MMP26: variants seen among roughly 807,000 people sequenced by gnomAD.
MMP26 encodes the protein matrix metallopeptidase 26.
In MMP26, 33 loss-of-function variants were observed where a neutral mutation model predicts 31.0. That is an observed-to-expected ratio of 1.06 (90% CI 0.81 to 1.42). The LOEUF (loss-of-function observed/expected upper bound fraction) is 1.42, where lower values mean the gene tolerates loss of function less well. MMP26 is among the 40% of genes most tolerant of loss of function. MMP26 has a pLI of 0.00. For synonymous variants in MMP26, 122 were observed against 114.9 expected (o/e 1.06, Z -0.40); for missense variants, 347 against 316.1 (o/e 1.10, Z -0.74).
chr11:4,739,025 A>G (rs1048528795), intron 1 of MMP26, among the ~76,000 whole-genome samples: 3 of 152,174 alleles, frequency 2.0e-5, no homozygotes, highest in African/African-American at 7.2e-5. Context: ...TGTTGTCACT[A>G]TAGCTGAGTT....
intron 1 of MMP26, among the ~76,000 whole-genome samples, chr11:4,762,215 T>C (rs189854997): frequency 1.3e-4 from 20 of 152,306 alleles, no homozygotes; most frequent in Middle Eastern, 3.4e-3. Flanking sequence ...TGAAGATCCA[T>C]TTCATAGTAT....
intron 2 of MMP26, among the ~76,000 whole-genome samples, chr11:4,930,225 C>T (rs143763585): frequency 3.9e-5 from 6 of 152,016 alleles, no homozygotes; most frequent in African/African-American, 1.4e-4. Context: ...TGGAGTACTA[C>T]TTGGTAAATC....
chr11:4,921,847 C>T (rs1851189285), intron 2 of MMP26, among the ~76,000 whole-genome samples: 1 of 152,046 alleles, frequency 6.6e-6, no homozygotes, highest in African/African-American at 2.4e-5. Flanking sequence ...AAAGTTATTG[C>T]TTTTAAAAAA....
rs562962260 is a variant in MMP26 at position 4,789,098 on chromosome 11, G to C, written c.-145+21757G>C. 5.3e-5 allele frequency among the ~76,000 whole-genome samples: 8 copies of C among 152,306 alleles called. No individual in the cohort carries two copies. In the South Asian group the frequency reaches 1.0e-3, roughly 20 times the overall value. The stretch of plus-strand genomic sequence containing the variant: ...TTCTCTAAAACAGCTACTCACATCA[G>C]ACATTTGGCTAAGAAGTCTTGTTGA... On this transcript the variant is annotated intron_variant, in intron 2 of 7. Coordinates refer to ENST00000380390, the MANE Select transcript of MMP26 (RefSeq NM_021801.5).
chr11:4,869,289 A>C (rs946285159), intron 2 of MMP26, among the ~76,000 whole-genome samples: 1 of 152,210 alleles, frequency 6.6e-6, no homozygotes, highest in Non-Finnish European at 1.5e-5. Flanking sequence ...CAACCTACAG[A>C]ATGGGAGAAA....
chr11:4,750,475 G>A (rs1848434240), intron 1 of MMP26, among the ~76,000 whole-genome samples: 1 of 151,990 alleles, frequency 6.6e-6, no homozygotes, highest in Non-Finnish European at 1.5e-5. Context: ...GTATTCATGT[G>A]TTTATCACAG....
chr11:4,835,059 A>T (rs566118261), intron 2 of MMP26, among the ~76,000 whole-genome samples: 17 of 152,090 alleles, frequency 1.1e-4, no homozygotes, highest in Admixed American at 9.8e-4. Context: ...GTTAATAAAG[A>T]TCCCACTACT....
intron 2 of MMP26, among the ~76,000 whole-genome samples, chr11:4,941,605 A>C (rs1025956428): frequency 2.0e-5 from 3 of 152,206 alleles, no homozygotes; most frequent in Non-Finnish European, 4.4e-5. Context: ...AATAAGTTCC[A>C]AGGTGATTCT....
chr11:4,981,622 C>G (rs184595888), intron 2 of MMP26, among the ~76,000 whole-genome samples: 1 of 151,896 alleles, frequency 6.6e-6, no homozygotes, highest in African/African-American at 2.4e-5. Flanking sequence ...TTAGGCTACC[C>G]TAAATTTAGC....
chr11:4,929,442 C>T (rs1257373197), intron 2 of MMP26, among the ~76,000 whole-genome samples: 2 of 150,176 alleles, frequency 1.3e-5, no homozygotes, highest in Non-Finnish European at 3.0e-5. Context: ...AATCACATGA[C>T]AATCAGAAGA....
At chr11:4,716,682 A>G (rs1296419149) in intron 1 of MMP26, among the ~76,000 whole-genome samples, 2 of 19,774 alleles carry the variant, frequency 1.0e-4, no homozygotes, top group Non-Finnish European at 2.5e-4. Flanking sequence ...TTTTTTTGAG[A>G]TGGAGTTTCG....
chr11:4,887,440 A>G (rs1410465665), intron 2 of MMP26, among the ~76,000 whole-genome samples: 2 of 152,136 alleles, frequency 1.3e-5, no homozygotes, highest in African/African-American at 2.4e-5. Flanking sequence ...AGTCATTTCC[A>G]TCAAGTACAG....
chr11:4,710,288 T>C (rs1423740025), intron 1 of MMP26: 2 of 456,694 alleles, frequency 4.4e-6, no homozygotes, highest in Admixed American at 4.7e-5. Flanking sequence ...AAAAGGCTTT[T>C]GGTACCTGTG....
chr11:4,848,871 T>A (rs561122104), intron 2 of MMP26: 1 of 1,614,032 alleles, frequency 6.2e-7, no homozygotes, highest in East Asian at 2.2e-5. Context: ...AGAAAAGACA[T>A]GGATAAAAAC....
chr11:4,828,047 T>G (rs924034637), intron 2 of MMP26, among the ~76,000 whole-genome samples: 1 of 152,170 alleles, frequency 6.6e-6, no homozygotes, highest in Non-Finnish European at 1.5e-5. Context: ...TGTGGACTGA[T>G]GCTGGAAAAA....
chr11:4,879,640 A>G (rs1188614391), intron 2 of MMP26, among the ~76,000 whole-genome samples: 2 of 152,182 alleles, frequency 1.3e-5, no homozygotes, highest in Non-Finnish European at 2.9e-5. Flanking sequence ...TACTTAACTC[A>G]TAAGGTTGAT....
At chr11:4,913,518 T>C (rs540571360) in intron 2 of MMP26, 19 of 152,296 alleles carry the variant, frequency 1.2e-4, no homozygotes, top group Non-Finnish European at 1.8e-4. Context: ...GCAAATACTA[T>C]ATTGACATGT....
chr11:4,731,329 G>A (rs914715023), intron 1 of MMP26, among the ~76,000 whole-genome samples: 1 of 152,180 alleles, frequency 6.6e-6, no homozygotes, highest in African/African-American at 2.4e-5. Context: ...ACACAATTTG[G>A]TGTGGCCTCG....
At chr11:4,927,367 T>A (rs545690637) in intron 2 of MMP26, among the ~76,000 whole-genome samples, 51 of 152,190 alleles carry the variant, frequency 3.4e-4, no homozygotes, top group Admixed American at 2.2e-3. Flanking sequence ...GTGCTTTGAA[T>A]GAAGAGAAAA....
Sources: allele counts gnomAD v4.1 joint callset (sites outside exome capture counted in the v4.1 genomes callset), GRCh38; gene constraint gnomAD v4.1.1; transcripts MANE v1.5; gene names NCBI Gene and HGNC (gene_info 2026-07-23, HGNC 2026-07-21).